Variants in VPS37A observed in about 807,000 individuals in gnomAD.
VPS37A encodes the protein VPS37A subunit of ESCRT-I.
In VPS37A, 30 loss-of-function variants were observed where a neutral mutation model predicts 49.8. The ratio of observed to expected loss-of-function variants is 0.60; its 90% confidence interval spans 0.45 to 0.82. The LOEUF (loss-of-function observed/expected upper bound fraction) is 0.82. VPS37A is among the 40% of genes least tolerant of loss of function. The pLI is 0.00. For synonymous variants in VPS37A, 195 were observed against 160.6 expected (o/e 1.21, Z -1.62); for missense variants, 593 against 464.4 (o/e 1.28, Z -2.55).
intron 11 of VPS37A, among the ~76,000 whole-genome samples, chr8:17,293,172 C>G (rs778542473): frequency 2.0e-5 from 3 of 151,780 alleles, no homozygotes; most frequent in Non-Finnish European, 4.4e-5. Context: ...TTTCTCTAAT[C>G]TTGTCTTCAC....
At position 17,268,894 on chromosome 8, in the gene VPS37A, T is replaced by A; in HGVS notation, c.354T>A (p.Ser118Arg). 6.2e-7 allele frequency: 1 copy of A among 1,610,938 alleles called. No individual in the cohort carries two copies. The highest frequency in any genetic ancestry group is 8.5e-7 in the Non-Finnish European group (1 of 1,179,414). ...MHSDLGKIIQSLLDEFWKNPP... is the reference protein window; with the variant it reads ...MHSDLGKIIQRLLDEFWKNPP... ...CAGATCTTGGAAAAATTATTCAGAG[T>A]CTGTTGGATGAGTTTTGGAAGAATC... The change falls in exon 4 of 12, where the codon AGT (serine) becomes AGA (arginine). Residue 118 changes from serine to arginine, a missense_variant. Ser to Arg is a moderately radical substitution (Grantham distance 110). Transcript: ENST00000324849.
chr8:17,254,090 T>C (rs1812215466), intron 1 of VPS37A, among the ~76,000 whole-genome samples: 2 of 152,190 alleles, frequency 1.3e-5, no homozygotes, highest in Admixed American at 1.3e-4. Flanking sequence ...ATTTGTTGAA[T>C]TTGGTGCACA....
intron 1 of VPS37A, among the ~76,000 whole-genome samples, chr8:17,260,320 A>T (rs942380280): frequency 6.6e-6 from 1 of 152,198 alleles, no homozygotes; most frequent in Non-Finnish European, 1.5e-5. Flanking sequence ...AAAGAAAAGA[A>T]CAGAAACAAA....
chr8:17,286,584 C>A, intron 11 of VPS37A, 157 bp downstream of exon 11: 1 of 575,660 alleles, frequency 1.7e-6, no homozygotes, highest in Non-Finnish European at 3.0e-6. Flanking sequence ...ATATAATAAG[C>A]ATAATATAAA....
intron 1 of VPS37A, among the ~76,000 whole-genome samples, chr8:17,262,705 T>C (rs1813069607): frequency 6.6e-6 from 1 of 152,066 alleles, no homozygotes; most frequent in African/African-American, 2.4e-5. Context: ...TCTAAATATC[T>C]AATAGTAGAA....
intron 4 of VPS37A, among the ~76,000 whole-genome samples, chr8:17,273,022 C>CTTTTTT (rs1563263775): frequency 3.7e-5 from 3 of 80,178 alleles, no homozygotes; most frequent in Admixed American, 1.4e-4. Context: ...TTTTGCCCTT[C>CTTTTTT]CTTTTTTTTT....
chr8:17,287,083 C>G (rs1255356845), intron 11 of VPS37A, among the ~76,000 whole-genome samples: 1 of 152,196 alleles, frequency 6.6e-6, no homozygotes, highest in Non-Finnish European at 1.5e-5. Context: ...CACATTCTTT[C>G]TTCTACCACG....
the VPS37A span, among the ~76,000 whole-genome samples, chr8:17,322,078 T>C: frequency 3.9e-5 from 6 of 152,088 alleles, no homozygotes; most frequent in South Asian, 2.1e-4. Flanking sequence ...AGATCTGAAG[T>C]TGAAACATAT....
intron 9 of VPS37A, among the ~76,000 whole-genome samples, chr8:17,283,146 T>G (rs762102808): frequency 7.2e-5 from 11 of 152,076 alleles, no homozygotes; most frequent in Non-Finnish European, 1.3e-4. Flanking sequence ...AAAGAGATAC[T>G]ACCCCACATG....
chr8:17,312,851 G>A, the VPS37A span, among the ~76,000 whole-genome samples: 3 of 152,100 alleles, frequency 2.0e-5, no homozygotes, highest in Non-Finnish European at 4.4e-5. Context: ...TTCTAAAACA[G>A]CTTATGTGAA....
chr8:17,250,747 C>G (rs1274864776), intron 1 of VPS37A, among the ~76,000 whole-genome samples: 1 of 152,060 alleles, frequency 6.6e-6, no homozygotes, highest in Non-Finnish European at 1.5e-5. Flanking sequence ...TTCTTATCTC[C>G]TCAGCTACCT....
chr8:17,313,261 C>A, the VPS37A span: 1 of 1,522,060 alleles, frequency 6.6e-7, no homozygotes. Context: ...GCTCATCTGT[C>A]CCTTAATTTA....
At chr8:17,282,109 A>T (rs1033219633) in intron 9 of VPS37A, among the ~76,000 whole-genome samples, 1 of 152,026 alleles carries the variant, frequency 6.6e-6, no homozygotes, top group Non-Finnish European at 1.5e-5. Context: ...AAAAGAAAAA[A>T]TGAAAAAAAC....
chr8:17,309,381 CCACA>C, the VPS37A span: 1 of 1,175,106 alleles, frequency 8.5e-7, no homozygotes, highest in South Asian at 1.3e-5. Flanking sequence ...AAATAAGAGA[CCACA>C]CAACCAATAA....
chr8:17,304,372 T>C (rs1412555556), downstream of VPS37A: 13 of 1,609,550 alleles, frequency 8.1e-6, no homozygotes, highest in Non-Finnish European at 1.1e-5. Context: ...ACCAAGGATT[T>C]ACATACTTGT....
At chr8:17,293,068 CTG>C (rs1309075677) in intron 11 of VPS37A, among the ~76,000 whole-genome samples, 1 of 152,162 alleles carries the variant, frequency 6.6e-6, no homozygotes, top group Admixed American at 6.5e-5. Context: ...TCCAGTCTCT[CTG>C]TCACTTTCAG....
At chr8:17,309,204 A>G in the VPS37A span, 15 of 1,050,562 alleles carry the variant, frequency 1.4e-5, no homozygotes, top group Non-Finnish European at 2.0e-5. Context: ...ATTTTCCCCT[A>G]AATATTCAAT....
intron 11 of VPS37A, 132 bp from the exon 12 acceptor site, chr8:17,294,855 G>A (rs796568180): frequency 6.6e-6 from 1 of 152,196 alleles, no homozygotes; most frequent in East Asian, 1.9e-4. Flanking sequence ...GGGAGCTGCA[G>A]ACTGGAGCTG....
chr8:17,269,108 T>A, intron 4 of VPS37A, 152 bp downstream of exon 4: 1 of 587,292 alleles, frequency 1.7e-6, no homozygotes, highest in South Asian at 2.3e-5. Flanking sequence ...ACTGTTTTAC[T>A]CTTTTACCTG....
Sources: allele counts gnomAD v4.1 joint callset (sites outside exome capture counted in the v4.1 genomes callset), GRCh38; gene constraint gnomAD v4.1.1; transcripts MANE v1.5; gene names NCBI Gene and HGNC (gene_info 2026-07-23, HGNC 2026-07-21).